Variants in RBFOX1 observed in about 807,000 individuals in gnomAD.
RBFOX1 encodes the protein RNA binding fox-1 homolog 1.
A neutral mutation model predicts 57.7 loss-of-function variants in RBFOX1; 8 were observed. The observed-to-expected ratio is 0.14, with a 90% CI of 0.08 to 0.25. The LOEUF is 0.25. RBFOX1 is among the 10% of genes least tolerant of loss of function. The probability of loss-of-function intolerance (pLI) is 1.00; values close to 1 mark genes in which losing one functional copy is unlikely to be tolerated. For missense variants in RBFOX1, 611 were observed against 548.5 expected (o/e 1.11, Z -1.14); for synonymous variants, 326 against 222.4 (o/e 1.47, Z -4.15).
intron 3 of RBFOX1, among the ~76,000 whole-genome samples, chr16:7,042,216 A>T (rs2046395896): frequency 6.6e-6 from 1 of 152,224 alleles, no homozygotes; most frequent in African/African-American, 2.4e-5. Flanking sequence ...AAGTGTGTAA[A>T]CAGCATCTTG....
chr16:6,797,248 T>C (rs1206426318), intron 3 of RBFOX1, among the ~76,000 whole-genome samples: 1 of 152,194 alleles, frequency 6.6e-6, no homozygotes, highest in Non-Finnish European at 1.5e-5. Context: ...TGGATATTGT[T>C]ATTCCCCCAT....
intron 3 of RBFOX1, among the ~76,000 whole-genome samples, chr16:7,010,456 C>T (rs766994424): frequency 6.6e-6 from 1 of 152,070 alleles, no homozygotes; most frequent in Non-Finnish European, 1.5e-5. Flanking sequence ...AGTCCGTGAG[C>T]ATCCGAGGGG....
chr16:5,790,564 G>T (rs894448613), intron 3 of RBFOX1, among the ~76,000 whole-genome samples: 1 of 151,364 alleles, frequency 6.6e-6, no homozygotes, highest in African/African-American at 2.4e-5. Flanking sequence ...TGGTAAAATG[G>T]AATAGGGACC....
At chr16:7,357,080 A>G (rs1415744827) in intron 4 of RBFOX1, among the ~76,000 whole-genome samples, 1 of 152,088 alleles carries the variant, frequency 6.6e-6, no homozygotes, top group Non-Finnish European at 1.5e-5. Context: ...ATCAAGGTAA[A>G]CCAGTTTGGT....
At chr16:6,830,220 T>G (rs1201004267) in intron 3 of RBFOX1, among the ~76,000 whole-genome samples, 3 of 152,190 alleles carry the variant, frequency 2.0e-5, no homozygotes, top group East Asian at 3.8e-4. Flanking sequence ...CCTGGCTGAA[T>G]GTATTTTCTT....
chr16:6,169,502 C>T (rs984855525), intron 1 of RBFOX1, among the ~76,000 whole-genome samples: 3 of 152,122 alleles, frequency 2.0e-5, no homozygotes, highest in African/African-American at 7.2e-5. Context: ...TGAACGATTC[C>T]TGAATCAGGC....
chr16:7,120,934 C>T (rs931863047), intron 4 of RBFOX1, among the ~76,000 whole-genome samples: 5 of 151,348 alleles, frequency 3.3e-5, no homozygotes, highest in Non-Finnish European at 7.4e-5. Context: ...GTATTAGTCC[C>T]AGGAGTCCAA....
At chr16:7,082,978 T>G (rs887904862) in intron 4 of RBFOX1, among the ~76,000 whole-genome samples, 1 of 148,880 alleles carries the variant, frequency 6.7e-6, no homozygotes, top group Non-Finnish European at 1.5e-5. Context: ...CTTGTAAATA[T>G]GGAAAAAAAT....
At chr16:7,039,521 CTTT>C (rs1276341732) in intron 3 of RBFOX1, among the ~76,000 whole-genome samples, 4 of 152,194 alleles carry the variant, frequency 2.6e-5, no homozygotes, top group Non-Finnish European at 4.4e-5. Flanking sequence ...TTTGTTTTTA[CTTT>C]TTTAATTGAT....
In RBFOX1 at chr16:7,437,990, T is replaced by C. The variant is rs558070164; in HGVS notation, c.28-80157T>C. Among the ~76,000 whole-genome samples the C allele has an allele frequency of 4.6e-5, 7 of 152,254 alleles. No homozygotes were observed. The East Asian group carries it at 1.4e-3, about 29-fold the overall frequency. ...TCTTTGAAGCTTTTAGGATGCACTT[T>C]AGAAGTCCACGTGGAATAATCCCTG... is the stretch of plus-strand genomic sequence containing the variant. On this transcript the variant is annotated intron_variant, in intron 4 of 15. Coordinates refer to ENST00000550418, the MANE Select transcript of RBFOX1 (RefSeq NM_018723.4).
At chr16:7,197,027 C>G (rs2086871472) in intron 4 of RBFOX1, among the ~76,000 whole-genome samples, 1 of 152,204 alleles carries the variant, frequency 6.6e-6, no homozygotes, top group Non-Finnish European at 1.5e-5. Flanking sequence ...TTCGAAGGTG[C>G]ACACCATAGC....
intron 4 of RBFOX1, among the ~76,000 whole-genome samples, chr16:7,121,872 C>T (rs1312341283): frequency 6.6e-6 from 1 of 151,794 alleles, no homozygotes; most frequent in Non-Finnish European, 1.5e-5. Context: ...CAGAAATAGA[C>T]CCACAAAATA....
intron 2 of RBFOX1, among the ~76,000 whole-genome samples, chr16:6,418,619 G>A (rs999137319): frequency 3.3e-5 from 5 of 149,886 alleles, no homozygotes; most frequent in African/African-American, 1.2e-4. Context: ...TAACTCCTGG[G>A]TTCAAGTGAT....
intron 3 of RBFOX1, among the ~76,000 whole-genome samples, chr16:6,920,539 T>G (rs1385995023): frequency 6.6e-6 from 1 of 152,198 alleles, no homozygotes; most frequent in Non-Finnish European, 1.5e-5. Flanking sequence ...AATGACCAGC[T>G]AGTGGCAGGC....
intron 3 of RBFOX1, among the ~76,000 whole-genome samples, chr16:6,809,836 C>G (rs184696839): frequency 5.3e-5 from 8 of 152,100 alleles, no homozygotes; most frequent in African/African-American, 1.4e-4. Context: ...AGAGTGCTGT[C>G]GTACCAAGTG....
chr16:6,570,440 G>T (rs190522342), intron 2 of RBFOX1, among the ~76,000 whole-genome samples: 41 of 152,132 alleles, frequency 2.7e-4, no homozygotes, highest in African/African-American at 8.0e-4. Context: ...GCTTAATACT[G>T]AGTTAATACA....
chr16:6,692,279 G>C (rs543830157), intron 3 of RBFOX1, among the ~76,000 whole-genome samples: 1 of 149,688 alleles, frequency 6.7e-6, no homozygotes, highest in South Asian at 2.1e-4. Flanking sequence ...TCTGAGCTGT[G>C]GTTTGGATTC....
intron 4 of RBFOX1, among the ~76,000 whole-genome samples, chr16:7,111,417 A>G (rs1338615363): frequency 2.0e-5 from 3 of 152,140 alleles, no homozygotes; most frequent in African/African-American, 7.2e-5. Context: ...GTATGAATTT[A>G]CTTAGCTCTT....
intron 3 of RBFOX1, among the ~76,000 whole-genome samples, chr16:5,820,632 G>A (rs556548103): frequency 1.3e-5 from 2 of 152,158 alleles, no homozygotes; most frequent in Non-Finnish European, 2.9e-5. Context: ...GAGAAGGAAC[G>A]TTTTCCCCAT....
Sources: allele counts gnomAD v4.1 joint callset (sites outside exome capture counted in the v4.1 genomes callset), GRCh38; gene constraint gnomAD v4.1.1; transcripts MANE v1.5; gene names NCBI Gene and HGNC (gene_info 2026-07-23, HGNC 2026-07-21).